Variants in TJP1 observed in about 807,000 individuals in gnomAD.
The protein encoded by TJP1 is tight junction protein ZO-1.
A neutral mutation model predicts 194.2 loss-of-function variants in TJP1; 43 were observed. The ratio of observed to expected loss-of-function variants is 0.22; its 90% CI spans 0.17 to 0.29. The LOEUF (loss-of-function observed/expected upper bound fraction) is 0.29, where lower values mean the gene tolerates loss of function less well. Ranked by LOEUF, TJP1 falls within the 10% of genes least tolerant of loss-of-function variation. The probability of loss-of-function intolerance (pLI) is 1.00; values close to 1 mark genes in which losing one functional copy is unlikely to be tolerated. For synonymous variants in TJP1, 801 were observed against 779.0 expected (o/e 1.03, Z -0.47); for missense variants, 1,971 against 2,185.7 (o/e 0.90, Z 1.96).
intron 2 of TJP1, among the ~76,000 whole-genome samples, chr15:29,852,369 A>T (rs1046918400): frequency 6.6e-6 from 1 of 152,232 alleles, no homozygotes; most frequent in Non-Finnish European, 1.5e-5. Context: ...GACATTCAAC[A>T]TCATTATTCC....
chr15:29,895,109 A>C lies in TJP1; in HGVS notation c.306+61123T>G, dbSNP rs577306455. Among the ~76,000 whole-genome samples, 3 of 152,254 alleles carry C rather than the reference A, an allele frequency of 2.0e-5. No individual in the cohort carries two copies. In the South Asian group the frequency reaches 6.2e-4, roughly 32 times the overall value. On this transcript the variant is annotated intron_variant, in intron 2 of 28. Transcript: ENST00000356107. ...TAATCTCGAAAACGTCTTCAAAGTC[A>C]TTCTTCCATGTCTTCATGACTAGCA...
At chr15:29,702,719 T>C (rs949456930) in intron 27 of TJP1, among the ~76,000 whole-genome samples, 1 of 152,218 alleles carries the variant, frequency 6.6e-6, no homozygotes, top group African/African-American at 2.4e-5. Context: ...CCAAAAGCAT[T>C]TCATTTTTCC....
intron 2 of TJP1, among the ~76,000 whole-genome samples, chr15:29,854,162 A>G (rs1454662928): frequency 1.3e-5 from 2 of 152,184 alleles, no homozygotes; most frequent in Non-Finnish European, 2.9e-5. Context: ...TATTTTATAC[A>G]CCATATAAAA....
intron 2 of TJP1, among the ~76,000 whole-genome samples, chr15:29,894,437 T>A (rs1000648859): frequency 2.0e-5 from 3 of 152,186 alleles, no homozygotes; most frequent in African/African-American, 7.2e-5. Context: ...CCAGCCTGGG[T>A]GACAGAGCAA....
chr15:29,886,247 G>A (rs543399043), intron 2 of TJP1, among the ~76,000 whole-genome samples: 11 of 152,152 alleles, frequency 7.2e-5, no homozygotes, highest in African/African-American at 2.6e-4. Context: ...AGCTTTAAAA[G>A]CATATCATGC....
chr15:29,851,315 C>T (rs1021291062), intron 2 of TJP1, among the ~76,000 whole-genome samples: 3 of 152,000 alleles, frequency 2.0e-5, no homozygotes, highest in Admixed American at 6.6e-5. Context: ...ACCCTACAGT[C>T]GTTATTAGTA....
intron 2 of TJP1, among the ~76,000 whole-genome samples, chr15:29,827,637 A>G: frequency 6.6e-6 from 1 of 152,240 alleles, no homozygotes; most frequent in East Asian, 1.9e-4. Flanking sequence ...GTGTTGCACA[A>G]TATAAACAGT....
intron 2 of TJP1, among the ~76,000 whole-genome samples, chr15:29,797,730 C>G (rs2048508758): frequency 6.6e-6 from 1 of 151,950 alleles, no homozygotes; most frequent in Admixed American, 6.6e-5. Context: ...TATATAAAGA[C>G]TACTGCAACT....
At chr15:29,760,008 T>A in intron 8 of TJP1, 1 of 510,204 alleles carries the variant, frequency 2.0e-6, no homozygotes, top group South Asian at 3.2e-5. Context: ...CATGTGCTAG[T>A]TCGTTCTGGT....
At chr15:29,766,668 A>T in intron 4 of TJP1, 126 bp from the exon 5 acceptor site, 1 of 868,098 alleles carries the variant, frequency 1.2e-6, no homozygotes. Context: ...AACAATACAC[A>T]AACAACTACA....
intron 2 of TJP1, among the ~76,000 whole-genome samples, chr15:29,900,614 T>C (rs2053606039): frequency 6.6e-6 from 1 of 152,192 alleles, no homozygotes; most frequent in South Asian, 2.1e-4. Context: ...CCAAGGTTTC[T>C]GGCCTCAACA....
chr15:29,721,734 T>C (rs2042940822), intron 18 of TJP1, among the ~76,000 whole-genome samples: 1 of 152,224 alleles, frequency 6.6e-6, no homozygotes, highest in Admixed American at 6.5e-5. Flanking sequence ...ACCTGTTGAA[T>C]GGTTTTGACC....
chr15:29,825,230 T>C (rs2043154425), upstream of TJP1, among the ~76,000 whole-genome samples: 2 of 152,188 alleles, frequency 1.3e-5, no homozygotes, highest in Middle Eastern at 3.2e-3. Context: ...AGTTTATCCA[T>C]GGAACACCAA....
At chr15:29,731,017 T>C (rs1275859692) in intron 15 of TJP1, 4 of 1,162,016 alleles carry the variant, frequency 3.4e-6, no homozygotes, top group Admixed American at 1.7e-5. Flanking sequence ...TGTGTATTTC[T>C]GGTGACTGTA....
At chr15:29,834,122 C>T (rs1285709875) in intron 2 of TJP1, among the ~76,000 whole-genome samples, 1 of 150,778 alleles carries the variant, frequency 6.6e-6, no homozygotes, top group Admixed American at 6.7e-5. Context: ...ACCTCGTGAT[C>T]GGCCCACCTC....
chr15:29,902,352 TATAG>T (rs1457259040), intron 2 of TJP1, among the ~76,000 whole-genome samples: 2 of 152,154 alleles, frequency 1.3e-5, no homozygotes, highest in Non-Finnish European at 2.9e-5. Context: ...CTAACTGTGG[TATAG>T]ATAGAGGAAG....
Position 29,773,113 on chromosome 15 carries a change from C to T in TJP1, c.209+120G>A, listed in dbSNP as rs1009402222. ...TTAATTTAAGGAAAAATATATGAAGCATGGCACAGGTGGAGTGTGAATATG... is the reference window on the plus strand; with the variant it reads ...TTAATTTAAGGAAAAATATATGAAGTATGGCACAGGTGGAGTGTGAATATG... On this transcript the variant is annotated intron_variant, in intron 3 of 27. Coordinates refer to ENST00000614355, the MANE Select transcript of TJP1 (RefSeq NM_001330239.4). The T allele has an allele frequency of 1.5e-5, 18 of 1,197,792 alleles. No individual in the cohort carries two copies. In the African/African-American group the frequency reaches 2.3e-4, roughly 15 times the overall value. 74.2% of individuals were successfully genotyped at this position (1,197,792 alleles called of 1,614,324 possible). A position where few individuals can be genotyped will look rare whatever the true frequency, so the allele number is the denominator to read the frequency against.
intron 2 of TJP1, among the ~76,000 whole-genome samples, chr15:29,939,396 C>T (rs1158236865): frequency 6.6e-6 from 1 of 152,160 alleles, no homozygotes; most frequent in East Asian, 1.9e-4. Flanking sequence ...CCTCCATTTC[C>T]ACCTCCAGCT....
At chr15:29,960,996 G>A (rs2056135344) in intron 1 of TJP1, among the ~76,000 whole-genome samples, 1 of 152,112 alleles carries the variant, frequency 6.6e-6, no homozygotes, top group Non-Finnish European at 1.5e-5. Flanking sequence ...GTTTATTACT[G>A]TCTTTAAAAA....
Sources: gnomAD v4.1 joint callset for allele counts (sites outside exome capture counted in the v4.1 genomes callset) on GRCh38, gnomAD v4.1.1 for gene constraint, MANE v1.5 for transcripts, NCBI Gene and HGNC (gene_info 2026-07-23, HGNC 2026-07-21) for gene names.